Variants in GABPB1 observed in about 807,000 individuals in gnomAD.
The protein encoded by GABPB1 is GA binding protein transcription factor subunit beta 1.
Under a neutral mutation model 45.9 loss-of-function variants are expected in GABPB1, and 15 were observed. That is an observed-to-expected ratio of 0.33 (90% CI 0.22 to 0.50). The LOEUF is 0.50. Among genes scored for constraint, GABPB1 ranks in the 20% least tolerant of loss-of-function variants. GABPB1 has a pLI of 0.98. For missense variants in GABPB1, 252 were observed against 457.5 expected, an observed-to-expected ratio of 0.55 and a Z score of 4.10; for synonymous variants, 143 against 154.4, an observed-to-expected ratio of 0.93 and a Z score of 0.55.
In GABPB1 at chr15:50,278,470, G is replaced by A. The variant is rs1311632251; in HGVS notation, c.*162C>T. On this transcript the variant is annotated 3_prime_UTR_variant, in exon 9 of 9. Transcript: ENST00000380877. ...TACATTTCACAACTTCTAAAGTAAA[G>A]TTTTATGTTACAAGAACTCAGAGCT... 2.3e-6 allele frequency: 1 copy of A among 444,280 alleles called. No individual in the cohort carries two copies. The highest frequency in any genetic ancestry group is 3.6e-5 in the East Asian group (1 of 27,948). 27.5% of individuals were successfully genotyped at this position (444,280 alleles called of 1,614,324 possible). A position where few individuals can be genotyped will look rare whatever the true frequency, so the allele number is the denominator to read the frequency against.
intron 1 of GABPB1, among the ~76,000 whole-genome samples, chr15:50,329,189 A>G (rs2047870216): frequency 1.3e-5 from 2 of 152,202 alleles, no homozygotes; most frequent in African/African-American, 2.4e-5. Flanking sequence ...ACAAGTATTT[A>G]AAGACCAAAA....
intron 6 of GABPB1, among the ~76,000 whole-genome samples, chr15:50,291,548 G>T (rs1162359528): frequency 7.0e-6 from 1 of 143,390 alleles, no homozygotes; most frequent in African/African-American, 2.6e-5. Context: ...GGCTGGTCTT[G>T]AACTCCTGAC....
chr15:50,305,180 A>C (rs2141034135), intron 2 of GABPB1, among the ~76,000 whole-genome samples: 1 of 152,320 alleles, frequency 6.6e-6, no homozygotes, highest in South Asian at 2.1e-4. Context: ...ATTCCAAAGA[A>C]CTAAGATATT....
At chr15:50,298,024 G>T (rs1024484437) in intron 6 of GABPB1, among the ~76,000 whole-genome samples, 1 of 152,198 alleles carries the variant, frequency 6.6e-6, no homozygotes, top group African/African-American at 2.4e-5. Context: ...ACATTTAAAT[G>T]TCAAAATTTC....
chr15:50,287,427 A>G (rs971175076), intron 7 of GABPB1, among the ~76,000 whole-genome samples: 2 of 152,178 alleles, frequency 1.3e-5, no homozygotes, highest in African/African-American at 2.4e-5. Context: ...GTGTGACTCT[A>G]TTTGGAGATA....
chr15:50,305,218 C>T (rs540941358), intron 2 of GABPB1, among the ~76,000 whole-genome samples: 2 of 152,192 alleles, frequency 1.3e-5, no homozygotes, highest in East Asian at 1.9e-4. Context: ...CACATATAAA[C>T]AGTTTATTAT....
chr15:50,314,737 G>A (rs1388154596), intron 1 of GABPB1: 7 of 152,200 alleles, frequency 4.6e-5, no homozygotes, highest in East Asian at 1.9e-4. Flanking sequence ...ATATATCTAC[G>A]GCTGGAATAT....
At chr15:50,281,920 G>C (rs1039987057) in intron 8 of GABPB1, among the ~76,000 whole-genome samples, 2 of 151,394 alleles carry the variant, frequency 1.3e-5, no homozygotes, top group African/African-American at 2.4e-5. Flanking sequence ...TGGGCAACAG[G>C]GCAAAACCTC....
chr15:50,334,505 C>CTTTTTTTTTTT (rs60433481), intron 1 of GABPB1, among the ~76,000 whole-genome samples: 14 of 109,404 alleles, frequency 1.3e-4, no homozygotes, highest in South Asian at 3.0e-4. Context: ...TCTTTTTTTC[C>CTTTTTTTTTTT]TTTTTTTTTT....
intron 4 of GABPB1, among the ~76,000 whole-genome samples, chr15:50,301,851 C>T (rs551175376): frequency 1.3e-5 from 2 of 152,328 alleles, no homozygotes; most frequent in East Asian, 1.9e-4. Context: ...TTTGGCAATA[C>T]ATAATACCAC....
chr15:50,285,826 A>C (rs919527701), intron 8 of GABPB1: 6 of 1,287,806 alleles, frequency 4.7e-6, no homozygotes, highest in Middle Eastern at 5.9e-4. Flanking sequence ...AACCAAAGAC[A>C]TTCCAGTGTT....
At chr15:50,304,167 A>G in intron 2 of GABPB1, 34 bp from the exon 3 acceptor site, 1 of 1,532,994 alleles carries the variant, frequency 6.5e-7, no homozygotes, top group South Asian at 1.3e-5. Context: ...ATCCACATTT[A>G]CATTATTGTT....
At chr15:50,334,221 C>A (rs1401171620) in intron 1 of GABPB1, among the ~76,000 whole-genome samples, 1 of 152,030 alleles carries the variant, frequency 6.6e-6, no homozygotes, top group Non-Finnish European at 1.5e-5. Flanking sequence ...GGTTTGGTAT[C>A]TTTCCTTGGT....
intron 1 of GABPB1, among the ~76,000 whole-genome samples, chr15:50,310,181 C>T (rs780628404): frequency 7.9e-5 from 12 of 152,218 alleles, no homozygotes; most frequent in Non-Finnish European, 1.8e-4. Context: ...CAACCTCCGC[C>T]TCCTGGGTTC....
chr15:50,345,878 A>AT (rs1322387186), intron 1 of GABPB1, among the ~76,000 whole-genome samples: 2 of 151,522 alleles, frequency 1.3e-5, no homozygotes, highest in Non-Finnish European at 2.9e-5. Context: ...CGCCCAGCTA[A>AT]TTTTTTTTAT....
In GABPB1 at chr15:50,278,744, C is replaced by T; in HGVS notation, c.1040G>A (p.Arg347Gln). The change falls in exon 9 of 9, where the codon CGA becomes CAA. Residue 347 changes from arginine to glutamine, a missense_variant. Around this residue, in one of 4 missense-constraint regions of GABPB1, gnomAD observed 5 missense variants for 30.0 expected, o/e 0.17. Transcript: ENST00000380877. Reference sequence around the variant, plus strand: ...CTGCTGTCGATATTTTTGTGCTTCTCGATTTGCTTCATCCAGCTGTTTCTG... The same window carrying T: ...CTGCTGTCGATATTTTTGTGCTTCTTGATTTGCTTCATCCAGCTGTTTCTG... Reference protein sequence around the residue: ...ALQKQLDEANREAQKYRQQLL... With the variant: ...ALQKQLDEANQEAQKYRQQLL... 1 of 1,613,010 alleles carries T rather than the reference C, an allele frequency of 6.2e-7. No homozygotes were observed. Among genetic ancestry groups the T allele is most frequent in the Non-Finnish European group, 8.5e-7 (1 of 1,179,624 alleles).
At chr15:50,294,825 A>C (rs2046459696) in intron 6 of GABPB1, among the ~76,000 whole-genome samples, 1 of 152,086 alleles carries the variant, frequency 6.6e-6, no homozygotes, top group Non-Finnish European at 1.5e-5. Context: ...CACATAAGAA[A>C]AGAGGGAACT....
intron 1 of GABPB1, among the ~76,000 whole-genome samples, chr15:50,317,668 G>A (rs1454002736): frequency 6.6e-6 from 1 of 152,090 alleles, no homozygotes; most frequent in Non-Finnish European, 1.5e-5. Context: ...CCAGCACTTT[G>A]GGAGGCCGAG....
chr15:50,341,071 AT>A, intron 1 of GABPB1, among the ~76,000 whole-genome samples: 1 of 151,610 alleles, frequency 6.6e-6, no homozygotes, highest in South Asian at 2.1e-4. Context: ...ATTTGTATAT[AT>A]TTTTTTCTTT....
Sources: gnomAD v4.1 joint callset for allele counts (sites outside exome capture counted in the v4.1 genomes callset) on GRCh38, gnomAD v4.1.1 for gene constraint, gnomAD v4.1.1 regional missense constraint, MANE v1.5 for transcripts, NCBI Gene and HGNC (gene_info 2026-07-23, HGNC 2026-07-21) for gene names.